The following OSBPL10 variants were observed in gnomAD, a reference collection of about 807,000 sequenced individuals.
The protein encoded by OSBPL10 is oxysterol binding protein like 10, also known as oxysterol-binding protein-related protein 10.
Under a neutral mutation model 81.7 loss-of-function variants are expected in OSBPL10, and 49 were observed. The ratio of observed to expected loss-of-function variants is 0.60; its 90% CI spans 0.48 to 0.76. OSBPL10 has a LOEUF of 0.76. Among genes scored for constraint, OSBPL10 ranks in the 30% least tolerant of loss-of-function variants. The probability of loss-of-function intolerance (pLI) is 0.00; values close to 1 mark genes in which losing one functional copy is unlikely to be tolerated. For missense variants in OSBPL10, 923 were observed against 987.8 expected (o/e 0.93, Z 0.88); for synonymous variants, 419 against 383.6 (o/e 1.09, Z -1.08).
intron 2 of OSBPL10, among the ~76,000 whole-genome samples, chr3:32,036,821 C>T (rs1173094503): frequency 1.7e-5 from 1 of 59,540 alleles, no homozygotes; most frequent in Non-Finnish European, 3.9e-5. Flanking sequence ...AGACTCGTGT[C>T]TCAAAAAAAA....
At chr3:31,682,986 T>C (rs1700691265) in intron 8 of OSBPL10, among the ~76,000 whole-genome samples, 1 of 152,192 alleles carries the variant, frequency 6.6e-6, no homozygotes, top group African/African-American at 2.4e-5. Flanking sequence ...ATCACAGCCT[T>C]AGAGCCTTGA....
At chr3:32,022,899 C>A (rs944709631) in intron 2 of OSBPL10, among the ~76,000 whole-genome samples, 6 of 152,160 alleles carry the variant, frequency 3.9e-5, no homozygotes, top group Admixed American at 2.0e-4. Flanking sequence ...CCTAGGAAGA[C>A]ATCTAAAACA....
chr3:31,980,253 C>T (rs1698795802), intron 1 of OSBPL10, among the ~76,000 whole-genome samples: 1 of 152,106 alleles, frequency 6.6e-6, no homozygotes, highest in South Asian at 2.1e-4. Flanking sequence ...CTGCCCGCCT[C>T]GGCCTCCCAA....
At chr3:31,868,382 T>C (rs1701234241) in intron 3 of OSBPL10, among the ~76,000 whole-genome samples, 1 of 152,148 alleles carries the variant, frequency 6.6e-6, no homozygotes, top group Admixed American at 6.5e-5. Flanking sequence ...AACAGCCACC[T>C]GAACCAAAAA....
At chr3:31,662,396 A>G (rs1475820907) in intron 11 of OSBPL10, 1 of 1,166,266 alleles carries the variant, frequency 8.6e-7, no homozygotes, top group Non-Finnish European at 1.1e-6. Flanking sequence ...CTTGGCCAAA[A>G]AAAAGAAGCA....
At chr3:32,034,552 C>G (rs1699501106) in intron 2 of OSBPL10, among the ~76,000 whole-genome samples, 1 of 152,070 alleles carries the variant, frequency 6.6e-6, no homozygotes. Flanking sequence ...ATCACAGGCT[C>G]CAGAACAGAA....
intron 1 of OSBPL10, among the ~76,000 whole-genome samples, chr3:31,949,633 AC>A (rs1697808995): frequency 8.2e-6 from 1 of 122,070 alleles, no homozygotes. Flanking sequence ...ACCTCACTGC[AC>A]TCCAGCCTGG....
In OSBPL10 at chr3:31,777,720, G is replaced by C. The variant is rs139561654; in HGVS notation, c.730-29600C>G. Among the ~76,000 whole-genome samples the C allele has an allele frequency of 1.6e-3, 246 of 152,320 alleles. 2 individuals carry two copies. Among genetic ancestry groups the C allele is most frequent in the African/African-American group, 5.3e-3 (222 of 41,574 alleles). ...TCCCAAAGTGTGAGGGGAGAAACCT[G>C]CCTCCAAACACATGTCTCCACTGGG... is the stretch of plus-strand genomic sequence containing the variant. On this transcript the variant is annotated intron_variant, in intron 4 of 11. Coordinates refer to ENST00000396556, the MANE Select transcript of OSBPL10 (RefSeq NM_017784.5).
At chr3:31,839,181 C>A (rs1700434418) in intron 3 of OSBPL10, among the ~76,000 whole-genome samples, 1 of 152,208 alleles carries the variant, frequency 6.6e-6, no homozygotes, top group Non-Finnish European at 1.5e-5. Flanking sequence ...TTAAAAATAT[C>A]AACACTGATT....
chr3:32,075,857 A>T (rs915039931), intron 1 of OSBPL10, among the ~76,000 whole-genome samples: 3 of 152,248 alleles, frequency 2.0e-5, no homozygotes, highest in African/African-American at 7.2e-5. Flanking sequence ...AAGCAACTGA[A>T]GATCCACAAA....
At chr3:31,663,238 C>G (rs1474647621) in intron 11 of OSBPL10, 43 of 984,012 alleles carry the variant, frequency 4.4e-5, no homozygotes. Flanking sequence ...AATCTTTGAC[C>G]ATGCAAATAT....
chr3:31,908,686 C>G (rs2125688949), intron 1 of OSBPL10, among the ~76,000 whole-genome samples: 1 of 152,262 alleles, frequency 6.6e-6, no homozygotes, highest in African/African-American at 2.4e-5. Context: ...TGTTTGCTTG[C>G]CTTTAAACAT....
chr3:31,885,181 T>C (rs1249708040), intron 1 of OSBPL10, among the ~76,000 whole-genome samples: 1 of 152,194 alleles, frequency 6.6e-6, no homozygotes, highest in Non-Finnish European at 1.5e-5. Context: ...TATACACTTA[T>C]ATATGTGACA....
At chr3:31,692,904 T>C (rs538788280) in intron 7 of OSBPL10, among the ~76,000 whole-genome samples, 2 of 152,254 alleles carry the variant, frequency 1.3e-5, no homozygotes, top group Non-Finnish European at 2.9e-5. Context: ...ACTGTCACTC[T>C]TTCTAGAAGT....
chr3:31,876,849 G>C (rs191340789), intron 2 of OSBPL10, among the ~76,000 whole-genome samples: 1 of 151,040 alleles, frequency 6.6e-6, no homozygotes, highest in East Asian at 1.9e-4. Context: ...GGAACCACAT[G>C]CTTATTTTCA....
intron 3 of OSBPL10, among the ~76,000 whole-genome samples, chr3:31,847,281 C>T (rs4456904): frequency 0.37 from 56,482 of 151,466 alleles, 11,751 homozygotes; most frequent in South Asian, 0.54. Flanking sequence ...ACTGCAGCCT[C>T]GGTCTCCCAG....
chr3:31,959,023 C>G (rs937908553), intron 1 of OSBPL10, among the ~76,000 whole-genome samples: 4 of 152,126 alleles, frequency 2.6e-5, no homozygotes, highest in African/African-American at 9.7e-5. Flanking sequence ...GGTCAGGGCC[C>G]TAGAAGACAC....
At chr3:31,913,501 G>T (rs1559515691) in intron 1 of OSBPL10, among the ~76,000 whole-genome samples, 1 of 152,174 alleles carries the variant, frequency 6.6e-6, no homozygotes, top group African/African-American at 2.4e-5. Flanking sequence ...ACCTGCCTCA[G>T]CCTCCCAAAG....
chr3:31,779,727 C>A (rs1248306567), intron 4 of OSBPL10, among the ~76,000 whole-genome samples: 1 of 152,178 alleles, frequency 6.6e-6, no homozygotes, highest in Non-Finnish European at 1.5e-5. Flanking sequence ...ACAGAACATT[C>A]TACCCAACAA....
Sources: gnomAD v4.1 joint callset for allele counts (sites outside exome capture counted in the v4.1 genomes callset) on GRCh38, gnomAD v4.1.1 for gene constraint, MANE v1.5 for transcripts, NCBI Gene and HGNC (gene_info 2026-07-23, HGNC 2026-07-21) for gene names.